Variants in NALF1 observed in about 807,000 individuals in gnomAD.
NALF1 encodes the protein family with sequence similarity 155 member A.
A neutral mutation model predicts 48.4 loss-of-function variants in NALF1; 3 were observed. The ratio of observed to expected loss-of-function variants is 0.06; its 90% CI spans 0.03 to 0.16. The LOEUF is 0.16. Ranked by LOEUF, NALF1 falls within the 10% of genes least tolerant of loss-of-function variation. The pLI is 1.00. For synonymous variants in NALF1, 262 were observed against 245.7 expected, an observed-to-expected ratio of 1.07 and a Z score of -0.62; for missense variants, 526 against 571.5, an observed-to-expected ratio of 0.92 and a Z score of 0.81.
chr13:107,612,611 C>CAGAG (rs1879263476), intron 1 of NALF1, among the ~76,000 whole-genome samples: 3 of 152,072 alleles, frequency 2.0e-5, no homozygotes, highest in African/African-American at 7.2e-5. Flanking sequence ...AAGGCAGAGT[C>CAGAG]AGAGAGAGCT....
rs184339697 is a variant in NALF1 at position 107,837,437 on chromosome 13, G to C, written c.915+28245C>G. The stretch of plus-strand genomic sequence containing the variant: ...AGTGAAAAAGACAATTCCATTTCTT[G>C]ACATCAGTGGTCCTTTTCATTCATA... On this transcript the variant is annotated intron_variant, in intron 1 of 2. Transcript: ENST00000375915. Among the ~76,000 whole-genome samples the C allele has an allele frequency of 1.3e-5, 2 of 151,990 alleles. 1 individual carries two copies. Among genetic ancestry groups the C allele is most frequent in the African/African-American group, 4.8e-5 (2 of 41,508 alleles).
chr13:107,315,421 C>T (rs535491680), intron 1 of NALF1, among the ~76,000 whole-genome samples: 1 of 152,166 alleles, frequency 6.6e-6, no homozygotes, highest in East Asian at 1.9e-4. Context: ...AATATATTCT[C>T]GTTGCATGTG....
At position 107,269,913 on chromosome 13, in the gene NALF1, A is replaced by ATTTT. The variant is rs71121514; in HGVS notation, c.916-59162_916-59159dup. Reference sequence around the variant, plus strand: ...AGGTGCCCACCACCACGCCCGGCTAATTTTTTTTTTTTTTTTTTTTTTTTT... The same window carrying ATTTT: ...AGGTGCCCACCACCACGCCCGGCTAATTTTTTTTTTTTTTTTTTTTTTTTTTTTT... On this transcript the variant is annotated intron_variant, in intron 1 of 2. Transcript: ENST00000375915. Among the ~76,000 whole-genome samples, 70 of 89,038 alleles carry ATTTT rather than the reference A, an allele frequency of 7.9e-4. 2 individuals are homozygous for ATTTT. The highest frequency in any genetic ancestry group is 2.6e-3 in the African/African-American group (53 of 20,770). The allele number at this position is 89,038 out of a possible 152,430, so 58.4% of individuals were successfully genotyped here. A position where few individuals can be genotyped will look rare whatever the true frequency, so the allele number is the denominator to read the frequency against.
intron 1 of NALF1, among the ~76,000 whole-genome samples, chr13:107,320,556 A>G (rs930083790): frequency 2.0e-5 from 3 of 152,118 alleles, no homozygotes; most frequent in Non-Finnish European, 4.4e-5. Flanking sequence ...AATGGGTAAT[A>G]AAAAGCAAAT....
At chr13:107,636,981 T>A (rs187716458) in intron 1 of NALF1, among the ~76,000 whole-genome samples, 96 of 151,436 alleles carry the variant, frequency 6.3e-4, no homozygotes, top group African/African-American at 2.2e-3. Context: ...CATAAGATTA[T>A]AATGTAGCAG....
chr13:107,424,609 G>A (rs1884247730), intron 1 of NALF1, among the ~76,000 whole-genome samples: 1 of 152,060 alleles, frequency 6.6e-6, no homozygotes, highest in South Asian at 2.1e-4. Flanking sequence ...AGCAAGAAAG[G>A]GAAGGAGAAG....
chr13:107,820,348 A>G (rs1161689701), intron 1 of NALF1, among the ~76,000 whole-genome samples: 1 of 152,204 alleles, frequency 6.6e-6, no homozygotes, highest in African/African-American at 2.4e-5. Flanking sequence ...TTTCACGAGC[A>G]TGACTATCTC....
At position 107,169,010 on chromosome 13, in the gene NALF1, C is replaced by T. The variant is rs1878730906; in HGVS notation, c.*1487G>A. On this transcript the variant is annotated 3_prime_UTR_variant, in exon 3 of 3. Transcript: ENST00000375915. ...GTTTGTTTGTTTGTTTTTTTAAAAA[C>T]AGCCCTTATTAACTCTTCCTTCCAC... is the stretch of plus-strand genomic sequence containing the variant. The T allele has an allele frequency of 6.6e-6, 1 of 152,352 alleles. No homozygotes were observed. Among genetic ancestry groups the T allele is most frequent in the South Asian group, 2.1e-4 (1 of 4,816 alleles). The allele number at this position is 152,352 out of a possible 1,614,324, so 9.4% of individuals were successfully genotyped here.
At chr13:107,468,050 A>AC (rs1885037806) in intron 1 of NALF1, among the ~76,000 whole-genome samples, 1 of 150,302 alleles carries the variant, frequency 6.7e-6, no homozygotes, top group Non-Finnish European at 1.5e-5. Context: ...TCCGTCTCAA[A>AC]AAAAAAAAAA....
At chr13:107,802,774 G>T (rs1039542728) in intron 1 of NALF1, among the ~76,000 whole-genome samples, 2 of 152,032 alleles carry the variant, frequency 1.3e-5, no homozygotes, top group Non-Finnish European at 2.9e-5. Context: ...AAAAATTGCT[G>T]AACGTGGTAG....
At chr13:107,260,825 T>A (rs761649192) in intron 1 of NALF1, among the ~76,000 whole-genome samples, 2 of 152,220 alleles carry the variant, frequency 1.3e-5, no homozygotes, top group Non-Finnish European at 2.9e-5. Flanking sequence ...TTTAACCACA[T>A]TACCCAGGGT....
chr13:107,583,823 T>G (rs1471396043), intron 1 of NALF1, among the ~76,000 whole-genome samples: 2 of 152,158 alleles, frequency 1.3e-5, no homozygotes, highest in African/African-American at 4.8e-5. Flanking sequence ...CAAAATACCC[T>G]GTAACCTTTC....
chr13:107,706,899 T>C (rs1016444171), intron 1 of NALF1, among the ~76,000 whole-genome samples: 11 of 151,736 alleles, frequency 7.2e-5, no homozygotes, highest in African/African-American at 2.7e-4. Context: ...TGTCCGCCAG[T>C]TTTTAAATCA....
intron 1 of NALF1, among the ~76,000 whole-genome samples, chr13:107,549,733 ATAC>A (rs1362431794): frequency 6.6e-6 from 1 of 152,142 alleles, no homozygotes; most frequent in Non-Finnish European, 1.5e-5. Flanking sequence ...TCTCATAACC[ATAC>A]TACAAGGATC....
Position 107,539,068 on chromosome 13 carries a change from C to A in NALF1, c.915+326614G>T, listed in dbSNP as rs150199665. Among the ~76,000 whole-genome samples the A allele has an allele frequency of 3.2e-3, 485 of 150,320 alleles. 11 individuals carry two copies. Among genetic ancestry groups the A allele is most frequent in the African/African-American group, 0.012 (465 of 39,874 alleles). ...CATTAGTAAACAACACACATGTGAA[C>A]TTCTTATTTTTAATACATCACTGGA... is the stretch of plus-strand genomic sequence containing the variant. On this transcript the variant is annotated intron_variant, in intron 1 of 2. Coordinates refer to ENST00000375915, the MANE Select transcript of NALF1 (RefSeq NM_001080396.3).
rs764296550 is a variant in NALF1, at chr13:107,831,176, C to G, written c.915+34506G>C. Among the ~76,000 whole-genome samples the G allele has an allele frequency of 2.0e-5, 3 of 152,122 alleles. No homozygotes were observed. In the South Asian group the frequency reaches 6.2e-4, roughly 31 times the overall value. On this transcript the variant is annotated intron_variant, in intron 1 of 2. Coordinates refer to ENST00000375915, the MANE Select transcript of NALF1 (RefSeq NM_001080396.3). ...CATTATCCACATTTCAAGGTAAAAA[C>G]CAAGATAGTTCATCCAGACCTGAAA...
intron 1 of NALF1, among the ~76,000 whole-genome samples, chr13:107,827,421 G>A (rs1028235020): frequency 4.6e-5 from 7 of 152,188 alleles, no homozygotes; most frequent in Non-Finnish European, 8.8e-5. Flanking sequence ...AACCAGGTAC[G>A]CAGGAAAAGC....
intron 1 of NALF1, among the ~76,000 whole-genome samples, chr13:107,778,057 A>C (rs979194108): frequency 6.6e-6 from 1 of 152,216 alleles, no homozygotes; most frequent in Non-Finnish European, 1.5e-5. Flanking sequence ...TGCACATTTT[A>C]CTTTTTAAAT....
At chr13:107,557,197 C>T (rs1279734222) in intron 1 of NALF1, among the ~76,000 whole-genome samples, 1 of 152,098 alleles carries the variant, frequency 6.6e-6, no homozygotes, top group Non-Finnish European at 1.5e-5. Context: ...GAAGAACATT[C>T]GTTCACTGAA....
Sources: allele counts gnomAD v4.1 joint callset (sites outside exome capture counted in the v4.1 genomes callset), GRCh38; gene constraint gnomAD v4.1.1; transcripts MANE v1.5; gene names NCBI Gene and HGNC (gene_info 2026-07-23, HGNC 2026-07-21).